The following B3GLCT variants were observed in gnomAD, a reference collection of about 807,000 sequenced individuals.
The protein encoded by B3GLCT is beta 3-glucosyltransferase.
Under a neutral mutation model 63.4 loss-of-function variants are expected in B3GLCT, and 65 were observed. The ratio of observed to expected loss-of-function variants is 1.03; its 90% CI spans 0.84 to 1.26. The LOEUF (loss-of-function observed/expected upper bound fraction) is 1.26. B3GLCT is among the 50% of genes most tolerant of loss of function. The probability of loss-of-function intolerance (pLI) is 0.00; values close to 1 mark genes in which losing one functional copy is unlikely to be tolerated. For missense variants in B3GLCT, 577 were observed against 604.8 expected (o/e 0.95, Z 0.48); for synonymous variants, 233 against 219.2 (o/e 1.06, Z -0.55).
chr13:31,238,399 G>A (rs1226976141), intron 4 of B3GLCT, among the ~76,000 whole-genome samples: 1 of 152,182 alleles, frequency 6.6e-6, no homozygotes, highest in Non-Finnish European at 1.5e-5. Context: ...TCCATCTCCA[G>A]TTTTGAAGCT....
intron 3 of B3GLCT, among the ~76,000 whole-genome samples, chr13:31,228,377 T>C (rs1870207060): frequency 6.6e-6 from 1 of 152,226 alleles, no homozygotes; most frequent in Non-Finnish European, 1.5e-5. Flanking sequence ...CTTGAAGTAG[T>C]GTAGTAGTGA....
At chr13:31,217,887 G>C (rs781647702) in intron 2 of B3GLCT, among the ~76,000 whole-genome samples, 11 of 152,082 alleles carry the variant, frequency 7.2e-5, no homozygotes, top group Non-Finnish European at 1.5e-4. Context: ...TTGTTTCTTT[G>C]GCTTAGGATT....
chr13:31,331,720 C>G lies in B3GLCT; in HGVS notation c.*2052C>G, dbSNP rs1875935714. The stretch of plus-strand genomic sequence containing the variant: ...TAATGTTTATATAAAGTTTATAAAG[C>G]CATTGTGTTTTGTTATATAACAAAT... On this transcript the variant is annotated 3_prime_UTR_variant, in exon 15 of 15. Coordinates refer to ENST00000343307, the MANE Select transcript of B3GLCT (RefSeq NM_194318.4). The G allele has an allele frequency of 6.6e-6, 1 of 152,132 alleles. No homozygotes were observed. Among genetic ancestry groups the G allele is most frequent in the Admixed American group, 6.5e-5 (1 of 15,274 alleles). The allele number at this position is 152,132 out of a possible 1,614,324, so 9.4% of individuals were successfully genotyped here. A position where few individuals can be genotyped will look rare whatever the true frequency, so the allele number is the denominator to read the frequency against.
intron 12 of B3GLCT, among the ~76,000 whole-genome samples, chr13:31,304,051 C>T (rs1161306055): frequency 1.3e-5 from 1 of 77,586 alleles, no homozygotes; most frequent in African/African-American, 5.7e-5. Context: ...GAATTTTCAA[C>T]CCAGAATTTC....
At chr13:31,308,806 C>G (rs1178670878) in intron 12 of B3GLCT, among the ~76,000 whole-genome samples, 1 of 152,196 alleles carries the variant, frequency 6.6e-6, no homozygotes. Context: ...CCACAGGTCT[C>G]AGAGGTACTT....
chr13:31,235,983 T>A (rs1870627892), intron 4 of B3GLCT, among the ~76,000 whole-genome samples: 1 of 152,236 alleles, frequency 6.6e-6, no homozygotes, highest in African/African-American at 2.4e-5. Flanking sequence ...GACTCTGTGT[T>A]GTTGCAGGTA....
intron 12 of B3GLCT, among the ~76,000 whole-genome samples, chr13:31,294,106 C>A (rs956576017): frequency 6.6e-6 from 1 of 152,134 alleles, no homozygotes; most frequent in South Asian, 2.1e-4. Flanking sequence ...GTTGAAAATT[C>A]TTTTCTTTAA....
intron 4 of B3GLCT, among the ~76,000 whole-genome samples, chr13:31,231,307 C>A (rs952875355): frequency 6.6e-6 from 1 of 152,226 alleles, no homozygotes; most frequent in African/African-American, 2.4e-5. Context: ...GTGATGACAT[C>A]AGAACCACAG....
chr13:31,206,335 TC>T (rs1199099101), intron 1 of B3GLCT, among the ~76,000 whole-genome samples: 6 of 152,192 alleles, frequency 3.9e-5, no homozygotes, highest in Admixed American at 3.9e-4. Context: ...AAATGAGACT[TC>T]CAGGTAAGTT....
chr13:31,325,648 A>G (rs762457678), intron 14 of B3GLCT, among the ~76,000 whole-genome samples: 2 of 152,246 alleles, frequency 1.3e-5, no homozygotes, highest in African/African-American at 2.4e-5. Flanking sequence ...ATCATAAAAT[A>G]TGTTTAAAAC....
At chr13:31,282,376 A>T (rs1188471207) in intron 10 of B3GLCT, among the ~76,000 whole-genome samples, 1 of 152,190 alleles carries the variant, frequency 6.6e-6, no homozygotes, top group Non-Finnish European at 1.5e-5. Flanking sequence ...GCGGTGGCTC[A>T]TGCCTGTAAT....
intron 7 of B3GLCT, among the ~76,000 whole-genome samples, chr13:31,268,361 C>T (rs996814376): frequency 2.6e-5 from 4 of 152,162 alleles, no homozygotes; most frequent in East Asian, 1.9e-4. Flanking sequence ...TGGTCAGGTG[C>T]GGTGGGCAGT....
chr13:31,247,098 C>T lies in B3GLCT; in HGVS notation c.346C>T (p.His116Tyr). ...GAWTILPLLP[H>Y]FSVTYSRNSS... is the part of the protein sequence containing the mutation. Reference sequence around the variant, plus strand: ...ATGGACCATACTTCCGTTGTTACCGCAGTACGTTTGTTTAACTCACCTGTG... The same window carrying T: ...ATGGACCATACTTCCGTTGTTACCGTAGTACGTTTGTTTAACTCACCTGTG... Residue 116 changes from histidine to tyrosine, a missense_variant and splice_region_variant, in exon 5 of 15, where the codon CAT becomes TAT. Physicochemically the swap from His to Tyr is moderately conservative, Grantham distance 83 (BLOSUM62 2). Coordinates refer to ENST00000343307, the MANE Select transcript of B3GLCT (RefSeq NM_194318.4). 1 of 1,611,852 alleles carries T rather than the reference C, an allele frequency of 6.2e-7. No individual in the cohort carries two copies. Among genetic ancestry groups the T allele is most frequent in the Non-Finnish European group, 8.5e-7 (1 of 1,178,124 alleles).
At chr13:31,329,143 C>T (rs1277631407) in intron 14 of B3GLCT, among the ~76,000 whole-genome samples, 1 of 152,126 alleles carries the variant, frequency 6.6e-6, no homozygotes, top group Non-Finnish European at 1.5e-5. Flanking sequence ...CTTAGAAGTA[C>T]CTGGAACATA....
chr13:31,232,202 T>C (rs965873077), intron 4 of B3GLCT, among the ~76,000 whole-genome samples: 1 of 152,228 alleles, frequency 6.6e-6, no homozygotes, highest in African/African-American at 2.4e-5. Context: ...AACTAGTATA[T>C]GGTTCTAGGA....
chr13:31,248,000 G>T, intron 6 of B3GLCT, 34 bp downstream of exon 6: 1 of 1,172,530 alleles, frequency 8.5e-7, no homozygotes. Flanking sequence ...TCTTATTTTG[G>T]GGGACAGTGT....
intron 2 of B3GLCT, among the ~76,000 whole-genome samples, chr13:31,221,410 G>A (rs1869808007): frequency 6.6e-6 from 1 of 152,216 alleles, no homozygotes; most frequent in African/African-American, 2.4e-5. Flanking sequence ...CTGACTTACG[G>A]TGATAACCTG....
At chr13:31,273,053 T>C (rs1872638267) in intron 8 of B3GLCT, among the ~76,000 whole-genome samples, 1 of 152,188 alleles carries the variant, frequency 6.6e-6, no homozygotes, top group African/African-American at 2.4e-5. Context: ...AGTCATTTTC[T>C]GTCATCACAA....
At chr13:31,308,195 G>C (rs190534363) in intron 12 of B3GLCT, among the ~76,000 whole-genome samples, 960 of 44,306 alleles carry the variant, frequency 0.022, 19 homozygotes, top group Non-Finnish European at 0.039. Flanking sequence ...GGTCGGGGGA[G>C]GGGGGAGGGA....
Sources: gnomAD v4.1 joint callset for allele counts (sites outside exome capture counted in the v4.1 genomes callset) on GRCh38, gnomAD v4.1.1 for gene constraint, MANE v1.5 for transcripts, NCBI Gene and HGNC (gene_info 2026-07-23, HGNC 2026-07-21) for gene names.